The following ROBO2 variants were observed in gnomAD, a reference collection of about 807,000 sequenced individuals.
The protein encoded by ROBO2 is roundabout homolog 2.
ROBO2 carries 53 observed loss-of-function variants against 160.8 expected under a neutral mutation model. That is an observed-to-expected ratio of 0.33 (90% CI 0.26 to 0.41). The LOEUF (loss-of-function observed/expected upper bound fraction) is 0.41, where lower values mean the gene tolerates loss of function less well. ROBO2 is among the 10% of genes least tolerant of loss of function. ROBO2 has a pLI of 1.00. For missense variants in ROBO2, 1,577 were observed against 1,722.4 expected (o/e 0.92, Z 1.49); for synonymous variants, 664 against 611.7 (o/e 1.09, Z -1.26).
At chr3:77,434,043 T>C (rs1389578377) in intron 2 of ROBO2, among the ~76,000 whole-genome samples, 1 of 152,100 alleles carries the variant, frequency 6.6e-6, no homozygotes, top group Non-Finnish European at 1.5e-5. Context: ...GCACCAATCA[T>C]GTTGCTCTTC....
chr3:76,751,466 A>G (rs1227937803), intron 2 of ROBO2, among the ~76,000 whole-genome samples: 1 of 151,962 alleles, frequency 6.6e-6, no homozygotes, highest in Non-Finnish European at 1.5e-5. Flanking sequence ...ATCTAATTAA[A>G]CTAAAGAATT....
chr3:76,402,874 C>A (rs1172407796), intron 2 of ROBO2, among the ~76,000 whole-genome samples: 2 of 151,630 alleles, frequency 1.3e-5, no homozygotes, highest in African/African-American at 2.4e-5. Context: ...TCAGGATAAT[C>A]TTTTCATCTC....
intron 2 of ROBO2, among the ~76,000 whole-genome samples, chr3:76,266,211 T>A (rs191768443): frequency 6.6e-6 from 1 of 152,272 alleles, no homozygotes; most frequent in East Asian, 1.9e-4. Flanking sequence ...AAATCCCACT[T>A]CATCATGGTG....
intron 2 of ROBO2, among the ~76,000 whole-genome samples, chr3:76,843,720 A>G (rs1187132329): frequency 1.3e-5 from 2 of 151,920 alleles, no homozygotes; most frequent in Non-Finnish European, 2.9e-5. Context: ...GTCGCTCACC[A>G]GAATTGCAGA....
chr3:77,530,971 G>C (rs1207021259), intron 6 of ROBO2, among the ~76,000 whole-genome samples: 1 of 151,886 alleles, frequency 6.6e-6, no homozygotes, highest in Non-Finnish European at 1.5e-5. Flanking sequence ...AATAAAAAAA[G>C]AACATCTATT....
intron 13 of ROBO2, among the ~76,000 whole-genome samples, chr3:77,571,978 G>T (rs1342398220): frequency 6.6e-6 from 1 of 151,284 alleles, no homozygotes; most frequent in East Asian, 1.9e-4. Context: ...ACGATATACT[G>T]GCCGATGATA....
At chr3:76,345,314 T>C (rs1295234115) in intron 2 of ROBO2, among the ~76,000 whole-genome samples, 1 of 152,076 alleles carries the variant, frequency 6.6e-6, no homozygotes, top group South Asian at 2.1e-4. Flanking sequence ...GCACACTTTT[T>C]TTTCTGTCGC....
intron 2 of ROBO2, among the ~76,000 whole-genome samples, chr3:77,159,438 T>C (rs1284417627): frequency 6.6e-6 from 1 of 152,140 alleles, no homozygotes; most frequent in Non-Finnish European, 1.5e-5. Flanking sequence ...ACACCTAATG[T>C]AGATGTGGCA....
chr3:77,414,007 G>A (rs2077010970), intron 2 of ROBO2, among the ~76,000 whole-genome samples: 1 of 151,982 alleles, frequency 6.6e-6, no homozygotes, highest in African/African-American at 2.4e-5. Flanking sequence ...AGTCTGTGGA[G>A]GCATAAGAGA....
At chr3:76,189,924 C>T (rs1020868618) in intron 2 of ROBO2, among the ~76,000 whole-genome samples, 13 of 152,090 alleles carry the variant, frequency 8.5e-5, no homozygotes, top group Non-Finnish European at 1.5e-4. Flanking sequence ...GAAATACATG[C>T]CTGTCTCCAG....
At chr3:76,810,299 C>T (rs2065060704) in intron 2 of ROBO2, among the ~76,000 whole-genome samples, 1 of 152,108 alleles carries the variant, frequency 6.6e-6, no homozygotes. Flanking sequence ...CACAATCAGT[C>T]AGAGGCACAC....
intron 2 of ROBO2, among the ~76,000 whole-genome samples, chr3:76,031,757 T>C (rs1016339643): frequency 5.9e-5 from 9 of 152,146 alleles, no homozygotes; most frequent in Admixed American, 4.6e-4. Context: ...CTGCTGTATT[T>C]GGTTTGCCAG....
intron 2 of ROBO2, among the ~76,000 whole-genome samples, chr3:77,190,452 A>C (rs539756170): frequency 1.3e-5 from 2 of 152,146 alleles, no homozygotes; most frequent in East Asian, 3.9e-4. Flanking sequence ...TTCCAACCTG[A>C]ATGCCTCCTT....
At chr3:76,095,987 G>A (rs1199311901) in intron 2 of ROBO2, among the ~76,000 whole-genome samples, 1 of 152,060 alleles carries the variant, frequency 6.6e-6, no homozygotes, top group Non-Finnish European at 1.5e-5. Flanking sequence ...ATGTACTTAA[G>A]TGAAATTTTA....
At chr3:76,907,670 G>A (rs2075694099) in intron 2 of ROBO2, among the ~76,000 whole-genome samples, 1 of 152,092 alleles carries the variant, frequency 6.6e-6, no homozygotes, top group South Asian at 2.1e-4. Context: ...GTGTGCTGGG[G>A]AGTCTAGTAG....
chr3:76,603,641 G>C (rs1310288847), intron 2 of ROBO2, among the ~76,000 whole-genome samples: 1 of 151,624 alleles, frequency 6.6e-6, no homozygotes, highest in African/African-American at 2.4e-5. Context: ...TATGGGTGCT[G>C]CATATACATG....
intron 2 of ROBO2, among the ~76,000 whole-genome samples, chr3:76,796,120 A>C (rs930687521): frequency 6.6e-6 from 1 of 152,060 alleles, no homozygotes; most frequent in Non-Finnish European, 1.5e-5. Context: ...TAGGATTTTC[A>C]AAATTGTCAG....
At chr3:76,186,066 T>C (rs1278621106) in intron 2 of ROBO2, among the ~76,000 whole-genome samples, 2 of 151,546 alleles carry the variant, frequency 1.3e-5, no homozygotes, top group African/African-American at 2.4e-5. Context: ...CCCAAGTAGA[T>C]GGACTACAAA....
chr3:76,168,073 A>G (rs1328755662), intron 2 of ROBO2, among the ~76,000 whole-genome samples: 1 of 152,134 alleles, frequency 6.6e-6, no homozygotes, highest in Admixed American at 6.6e-5. Flanking sequence ...TCCTTTGTCT[A>G]TTTTTATATT....
Sources: gnomAD v4.1 joint callset for allele counts (sites outside exome capture counted in the v4.1 genomes callset) on GRCh38, gnomAD v4.1.1 for gene constraint, MANE v1.5 for transcripts, NCBI Gene and HGNC (gene_info 2026-07-23, HGNC 2026-07-21) for gene names.